NPDC1: variants seen among roughly 807,000 people sequenced by gnomAD.
The protein encoded by NPDC1 is neural proliferation, differentiation and control 1, also known as neural proliferation differentiation and control protein 1.
Under a neutral mutation model 32.5 loss-of-function variants are expected in NPDC1, and 18 were observed. The ratio of observed to expected loss-of-function variants is 0.55; its 90% CI spans 0.38 to 0.82. NPDC1 has a LOEUF of 0.82. Ranked by LOEUF, NPDC1 falls within the 40% of genes least tolerant of loss-of-function variation. The probability of loss-of-function intolerance (pLI) is 0.00; values close to 1 mark genes in which losing one functional copy is unlikely to be tolerated. For missense variants in NPDC1, 468 were observed against 406.6 expected, an observed-to-expected ratio of 1.15 and a Z score of -1.30; for synonymous variants, 210 against 184.7, an observed-to-expected ratio of 1.14 and a Z score of -1.11.
chr9:137,040,081 G>GA lies in NPDC1; in HGVS notation c.789-15dup, dbSNP rs766276014. 1 of 775,210 alleles carries GA rather than the reference G, an allele frequency of 1.3e-6. No homozygotes were observed. Among genetic ancestry groups the GA allele is most frequent in the Non-Finnish European group, 2.4e-6 (1 of 417,344 alleles). 48.0% of individuals were successfully genotyped at this position (775,210 alleles called of 1,614,324 possible). On this transcript the variant is annotated splice_polypyrimidine_tract_variant and intron_variant, in intron 7 of 8. Transcript: ENST00000371601. ...GGCTCTTTATGCCTGGGTGGGGGGG[G>GA]ATCGCTGGGTCCTCCCCATGCCCTC... is the stretch of plus-strand genomic sequence containing the variant.
rs1212239917 is a variant in NPDC1 at position 137,040,663 on chromosome 9, T to G, written c.623+8A>C. On this transcript the variant is annotated splice_region_variant and intron_variant, in intron 5 of 8. Transcript: ENST00000371601. ...CCCTCCCTGCCCTGCCCGCGGCCAC[T>G]GGCTCACCTGCACCAGCAGAGGGAG... 4 of 1,574,214 alleles carry G rather than the reference T, an allele frequency of 2.5e-6. 1 individual carries two copies. Among genetic ancestry groups the G allele is most frequent in the East Asian group, 4.6e-5 (2 of 43,754 alleles).
intron 2 of NPDC1, among the ~76,000 whole-genome samples, chr9:137,041,436 G>A (rs1328869328): frequency 6.6e-6 from 1 of 152,158 alleles, no homozygotes; most frequent in Non-Finnish European, 1.5e-5. Flanking sequence ...GCACGGGGAG[G>A]AAGGAGTGGG....
intron 1 of NPDC1, 68 bp from the exon 2 acceptor site, chr9:137,043,141 G>A (rs779032367): frequency 1.3e-5 from 20 of 1,547,580 alleles, no homozygotes; most frequent in African/African-American, 4.1e-5. Context: ...ACACGGCAGC[G>A]CTGCCCCAGC....
Position 137,040,414 on chromosome 9 carries a change from T to C in NPDC1, c.731A>G (p.Gln244Arg). The change falls in exon 7 of 9, where the codon CAG (glutamine) becomes CGG (arginine). Residue 244 changes from glutamine (Q) to arginine (R), a missense_variant. Transcript: ENST00000371601. ...CTGGTAGTGGTACATCTCCGCGCTC[T>C]GTGCCAGCCGCTGGTCCCCAGGCTG... ...RISPGDQRLA[Q>R]SAEMYHYQHQ... 2 of 1,550,542 alleles carry C rather than the reference T, an allele frequency of 1.3e-6. No individual in the cohort carries two copies. The highest frequency in any genetic ancestry group is 1.2e-5 in the South Asian group (1 of 84,096).
Position 137,040,592 on chromosome 9 carries a change from C to T in NPDC1, c.630G>A (p.Gln210=). The change falls in exon 6 of 9, where the codon CAG becomes CAA. Residue 210 remains glutamine, a synonymous_variant. Coordinates refer to ENST00000371601, the MANE Select transcript of NPDC1 (RefSeq NM_015392.4). ...CCTTCTGAGTCAGGCGGATCTCACGCTGCAGCCTGTGGGGAGTGGGGCCTG... is the reference window on the plus strand; with the variant it reads ...CCTTCTGAGTCAGGCGGATCTCACGTTGCAGCCTGTGGGGAGTGGGGCCTG... The part of the protein sequence containing the change: ...SVASLCWCRL[Q]REIRLTQKAD... The T allele has an allele frequency of 6.4e-7, 1 of 1,571,020 alleles. No homozygotes were observed. Among genetic ancestry groups the T allele is most frequent in the Non-Finnish European group, 8.6e-7 (1 of 1,163,830 alleles).
At chr9:137,040,093 C>G (rs774008627) in intron 7 of NPDC1, 26 bp from the exon 8 acceptor site, 13 of 772,538 alleles carry the variant, frequency 1.7e-5, no homozygotes, top group Middle Eastern at 2.3e-4. Flanking sequence ...TCGCTGGGTC[C>G]TCCCCATGCC....
intron 2 of NPDC1, among the ~76,000 whole-genome samples, chr9:137,042,425 G>A (rs1832071103): frequency 1.3e-5 from 2 of 150,780 alleles, no homozygotes; most frequent in South Asian, 4.2e-4. Context: ...GGCTAATTTT[G>A]TTTTTGTATT....
chr9:137,046,080 C>G lies in NPDC1; in HGVS notation c.-91G>C. On this transcript the variant is annotated 5_prime_UTR_variant, in exon 1 of 9. Transcript: ENST00000371601. ...TCCGCGTCGGGAGCAGCGGAGGCAG[C>G]GGGGGAGGACGCAGGAGGAAGAAGA... The G allele has an allele frequency of 1.8e-6, 2 of 1,097,636 alleles. No homozygotes were observed. The highest frequency in any genetic ancestry group is 2.2e-6 in the Non-Finnish European group (2 of 901,054). The allele number at this position is 1,097,636 out of a possible 1,614,324, so 68.0% of individuals were successfully genotyped here. A position where few individuals can be genotyped will look rare whatever the true frequency, so the allele number is the denominator to read the frequency against.
chr9:137,045,809 A>C (rs1832122187), intron 1 of NPDC1, 69 bp downstream of exon 1: 1 of 945,340 alleles, frequency 1.1e-6, no homozygotes, highest in African/African-American at 1.8e-5. Flanking sequence ...GGCGCCCGGC[A>C]ACCCGGTCCC....
Position 137,045,946 on chromosome 9 carries a change from AGCCGCAGGT to A in NPDC1, c.35_43del (p.His12_Arg14del), listed in dbSNP as rs1832123884. 8.4e-7 allele frequency: 1 copy of A among 1,189,880 alleles called. No homozygotes were observed. The highest frequency in any genetic ancestry group is 4.2e-5 in the South Asian group (1 of 23,994). 73.7% of individuals were successfully genotyped at this position (1,189,880 alleles called of 1,614,324 possible). ...GAGGCCGGAGAGCAGCAGCCGCAGC[AGCCGCAGGT>A]GCCGCGGGGAGGGCGGAGGCAGCGG... On this transcript the variant is annotated inframe_deletion, in exon 1 of 9. Coordinates refer to ENST00000371601, the MANE Select transcript of NPDC1 (RefSeq NM_015392.4).
rs1220642192 is a variant in NPDC1, at chr9:137,040,920, G to T, written c.450C>A (p.Thr150=). Residue 150 remains threonine, a synonymous_variant, in exon 4 of 9, where the codon ACC becomes ACA. Transcript: ENST00000371601. The stretch of plus-strand genomic sequence containing the variant: ...GGGAGGTGTGGGGCGTGGGCGTGGG[G>T]GTTCCTGGAGTGGAGGGGAGGCCCA... ...LELGLPSTPG[T]PTPTPHTSLG... 2.6e-6 allele frequency: 4 copies of T among 1,566,404 alleles called. No homozygotes were observed. In the East Asian group the frequency reaches 9.1e-5, roughly 35 times the overall value.
intron 1 of NPDC1, 151 bp downstream of exon 1, chr9:137,045,727 G>T: frequency 2.9e-6 from 1 of 342,864 alleles, no homozygotes; most frequent in Non-Finnish European, 4.1e-6. Flanking sequence ...TTCCATCGTG[G>T]GCGAGGCGGG....
chr9:137,044,745 T>C (rs7388830), intron 1 of NPDC1, among the ~76,000 whole-genome samples: 136,680 of 152,316 alleles, frequency 0.9, 61,362 homozygotes, highest in Admixed American at 0.92. Flanking sequence ...GACTGGCACC[T>C]GCCACCCACC....
At chr9:137,041,854 T>A (rs1723729747) in intron 2 of NPDC1, among the ~76,000 whole-genome samples, 1 of 152,222 alleles carries the variant, frequency 6.6e-6, no homozygotes, top group South Asian at 2.1e-4. Flanking sequence ...TCCCGACAGA[T>A]GCGGCTCAGG....
intron 2 of NPDC1, among the ~76,000 whole-genome samples, chr9:137,042,472 T>C (rs1055882464): frequency 6.6e-6 from 1 of 151,828 alleles, no homozygotes; most frequent in East Asian, 1.9e-4. Flanking sequence ...TTAGCCAGGA[T>C]GGTCTCGATC....
In NPDC1 at chr9:137,040,559, G is replaced by A. The variant is rs139019177; in HGVS notation, c.663C>T (p.Tyr221=). 4.4e-5 allele frequency: 69 copies of A among 1,585,278 alleles called. 1 individual carries two copies. The African/African-American group carries it at 5.8e-4, about 13-fold the overall frequency. The change falls in exon 6 of 9, where the codon TAC becomes TAT. Residue 221 remains tyrosine (Y), a synonymous_variant. Coordinates refer to ENST00000371601, the MANE Select transcript of NPDC1 (RefSeq NM_015392.4). Reference sequence around the variant, plus strand: ...GTGAGCCAGGGGCCTTCGCAGTGGCGTAGTCGGCCTTCTGAGTCAGGCGGA... The same window carrying A: ...GTGAGCCAGGGGCCTTCGCAGTGGCATAGTCGGCCTTCTGAGTCAGGCGGA... The part of the protein sequence containing the change: ...REIRLTQKAD[Y]ATAKAPGSPA...
rs890621226 is a variant in NPDC1, at chr9:137,045,843, G to C, written c.112+35C>G. ...CCCGCCCGGCGATCCCGGCCCCGGG[G>C]CGCCCCGCGGCCTGCGCCCAGCGCG... On this transcript the variant is annotated intron_variant, in intron 1 of 8. Transcript: ENST00000371601. The C allele has an allele frequency of 1.1e-5, 11 of 996,500 alleles. No homozygotes were observed. In the African/African-American group the frequency reaches 1.9e-4, roughly 17 times the overall value. 61.7% of individuals were successfully genotyped at this position (996,500 alleles called of 1,614,324 possible). A position where few individuals can be genotyped will look rare whatever the true frequency, so the allele number is the denominator to read the frequency against.
Position 137,040,801 on chromosome 9 carries a change from G to A in NPDC1, c.556+13C>T, listed in dbSNP as rs778559755. On this transcript the variant is annotated intron_variant, in intron 4 of 8. Coordinates refer to ENST00000371601, the MANE Select transcript of NPDC1 (RefSeq NM_015392.4). ...CGCCCTGCTGCCCCTGCCCACCCCC[G>A]ACCAAGACCTACCAAGGGCGAGGCC... is the stretch of plus-strand genomic sequence containing the variant. 8.8e-6 allele frequency: 14 copies of A among 1,589,160 alleles called. No homozygotes were observed. The highest frequency in any genetic ancestry group is 1.7e-4 in the Middle Eastern group (1 of 6,034).
rs371126012 is a variant in NPDC1 at position 137,043,065 on chromosome 9, C to A, written c.121G>T (p.Ala41Ser). The change falls in exon 2 of 9, where the codon GCC becomes TCC. Residue 41 changes from alanine to serine, a missense_variant. By Grantham distance (99) the Ala-to-Ser change is moderately conservative. Coordinates refer to ENST00000371601, the MANE Select transcript of NPDC1 (RefSeq NM_015392.4). ...GCACAGTCCAGGCTCCCGGGACAGGCGGCTACATCTGGGAAGGAAGCAGAA... is the reference window on the plus strand; with the variant it reads ...GCACAGTCCAGGCTCCCGGGACAGGAGGCTACATCTGGGAAGGAAGCAGAA... ...GAAAGHPDVA[A>S]CPGSLDCALK... 59 of 1,612,532 alleles carry A rather than the reference C, an allele frequency of 3.7e-5. No individual in the cohort carries two copies. In the East Asian group the frequency reaches 6.2e-4, roughly 17 times the overall value.
Sources: allele counts gnomAD v4.1 joint callset (sites outside exome capture counted in the v4.1 genomes callset), GRCh38; gene constraint gnomAD v4.1.1; transcripts MANE v1.5; gene names NCBI Gene and HGNC (gene_info 2026-07-23, HGNC 2026-07-21).